TBC1D24: variants seen among roughly 807,000 people sequenced by gnomAD.
TBC1D24 encodes TBC1 domain family member 24, also known as Infantile myoclonic epilepsy.
Under a neutral mutation model 50.7 loss-of-function variants are expected in TBC1D24, and 47 were observed. The observed-to-expected ratio is 0.93, with a 90% CI of 0.73 to 1.18. The LOEUF (loss-of-function observed/expected upper bound fraction) is 1.18. TBC1D24 is among the 50% of genes most tolerant of loss of function. The pLI is 0.00. For missense variants in TBC1D24, 688 were observed against 766.5 expected (o/e 0.90, Z 1.21); for synonymous variants, 324 against 335.2 (o/e 0.97, Z 0.36).
At position 2,500,518 on chromosome 16, in the gene TBC1D24, A is replaced by G. The variant is rs1226680195; in HGVS notation, c.1525+28A>G. The G allele has an allele frequency of 1.5e-5, 23 of 1,541,528 alleles. No homozygotes were observed. The highest frequency in any genetic ancestry group is 2.0e-5 in the Non-Finnish European group (23 of 1,144,472). On this transcript the variant is annotated intron_variant, in intron 7 of 7. Transcript: ENST00000646147. The surrounding 1 kb of genome is among the most constrained non-coding windows in gnomAD (Gnocchi z 8.0). ...GAGCGCCAGCAGACGGGGCTCTGGG[A>G]TGAGGGTGTGGGGTCCGGGCAGCTG...
chr16:2,497,200 C>G, intron 2 of TBC1D24, 87 bp downstream of exon 2: 1 of 1,558,684 alleles, frequency 6.4e-7, no homozygotes. Flanking sequence ...CTGCCGGCCT[C>G]CAGGCGGCCT....
rs1041492990 is a variant in TBC1D24, at chr16:2,487,956, G to A, written c.-115-8078G>A. Among the ~76,000 whole-genome samples, 9 of 152,218 alleles carry A rather than the reference G, an allele frequency of 5.9e-5. No homozygotes were observed. The highest frequency in any genetic ancestry group is 1.9e-4 in the African/African-American group (8 of 41,452). ...GCCAGCAGCTGTGGGGTTGTGTTCC[G>A]CCCCGAGGCTGGGGTGAGCTGCTTG... On this transcript the variant is annotated intron_variant, in intron 1 of 7. Transcript: ENST00000646147. The surrounding 1 kb of genome is among the most constrained non-coding windows in gnomAD (Gnocchi z 4.1).
intron 1 of TBC1D24, among the ~76,000 whole-genome samples, chr16:2,495,763 G>C (rs1029776589): frequency 2.0e-5 from 3 of 151,848 alleles, no homozygotes; most frequent in Admixed American, 2.0e-4. Flanking sequence ...TGGGCGACAG[G>C]GTGAGACTCC....
intron 1 of TBC1D24, among the ~76,000 whole-genome samples, chr16:2,476,070 A>G (rs2141848964): frequency 6.6e-6 from 1 of 152,380 alleles, no homozygotes; most frequent in African/African-American, 2.4e-5. Context: ...AGGGGGCGTC[A>G]GCCTGCCCTT....
At chr16:2,480,761 T>C (rs2065604567) in intron 1 of TBC1D24, 1 of 152,256 alleles carries the variant, frequency 6.6e-6, no homozygotes, top group Non-Finnish European at 1.5e-5. Context: ...ACCTGTGGCC[T>C]TAGGATCGAG....
intron 1 of TBC1D24, chr16:2,479,409 G>C (rs997466383): frequency 1.3e-5 from 2 of 152,236 alleles, no homozygotes; most frequent in Non-Finnish European, 2.9e-5. Flanking sequence ...AGCCTTCTCA[G>C]ACCGAGAGAC....
rs1159971280 is a variant in TBC1D24 at position 2,498,279 on chromosome 16, C to T, written c.1025C>T (p.Ser342Leu). 10 of 1,611,574 alleles carry T rather than the reference C, an allele frequency of 6.2e-6. No homozygotes were observed. The highest frequency in any genetic ancestry group is 2.2e-5 in the East Asian group (1 of 44,826). Residue 342 changes from serine to leucine, a missense_variant, in exon 4 of 8, where the codon TCG (serine) becomes TTG (leucine). Physicochemically the swap from Ser to Leu is moderately radical, Grantham distance 145. Transcript: ENST00000646147. The stretch of plus-strand genomic sequence containing the variant: ...GCCGTCCATGCAGAGAACTTCCGCT[C>T]GGAGATCGTCAGCGTGAGGGAGATG... Reference protein sequence around the residue: ...HLAVHAENFRSEIVSVREMRD... With the variant: ...HLAVHAENFRLEIVSVREMRD...
In TBC1D24 at chr16:2,496,184, A is replaced by T; in HGVS notation, c.36A>T (p.Lys12Asn). ...CAGGATACAACTGCTTCGTGGACAA[A>T]GACAAGATGGACGCTGCCATCCAGG... The part of the protein sequence containing the change: ...DSPGYNCFVD[K>N]DKMDAAIQDL... The change falls in exon 2 of 8, where the codon AAA becomes AAT. Residue 12 changes from lysine (K) to asparagine (N), a missense_variant. Lys to Asn is a moderately conservative substitution (Grantham distance 94, BLOSUM62 0). Transcript: ENST00000646147. 3 of 1,613,962 alleles carry T rather than the reference A, an allele frequency of 1.9e-6. No individual in the cohort carries two copies. The highest frequency in any genetic ancestry group is 2.5e-6 in the Non-Finnish European group (3 of 1,180,020).
At chr16:2,478,736 C>CTT (rs75754884) in intron 1 of TBC1D24, 2 of 145,274 alleles carry the variant, frequency 1.4e-5, no homozygotes, top group African/African-American at 2.5e-5. Context: ...GGGCTTTTTT[C>CTT]TTTTTTTTTT....
At position 2,486,364 on chromosome 16, in the gene TBC1D24, G is replaced by A. The variant is rs151002471; in HGVS notation, c.-115-9670G>A. ...CCAGGAAATGGTGAGGGATTGCTCAGACCAGATGGGAAGAAGTGAGACGAG... is the reference window on the plus strand; with the variant it reads ...CCAGGAAATGGTGAGGGATTGCTCAAACCAGATGGGAAGAAGTGAGACGAG... On this transcript the variant is annotated intron_variant, in intron 1 of 7. Coordinates refer to ENST00000646147, the MANE Select transcript of TBC1D24 (RefSeq NM_001199107.2). The surrounding 1 kb of genome is among the most constrained non-coding windows in gnomAD (Gnocchi z 5.8). Among the ~76,000 whole-genome samples the A allele has an allele frequency of 6.6e-6, 1 of 152,242 alleles. No individual in the cohort carries two copies.
At position 2,486,819 on chromosome 16, in the gene TBC1D24, C is replaced by T. The variant is rs892556850; in HGVS notation, c.-115-9215C>T. ...GAATTCTCTGTTTGTCGCTCGCCCC[C>T]GCCTCCAGCATCCCCAAGTGGCCTG... On this transcript the variant is annotated intron_variant, in intron 1 of 7. Transcript: ENST00000646147. This position sits in a 1 kb window ranked among gnomAD's most constrained non-coding sequence, Gnocchi z 5.8. 6.6e-6 allele frequency among the ~76,000 whole-genome samples: 1 copy of T among 152,238 alleles called. No individual in the cohort carries two copies. Among genetic ancestry groups the T allele is most frequent in the African/African-American group, 2.4e-5 (1 of 41,462 alleles).
rs1394041328 is a variant in TBC1D24, at chr16:2,485,413, A to T, written c.-116+10243A>T. 1 of 152,206 alleles carries T rather than the reference A, an allele frequency of 6.6e-6. No individual in the cohort carries two copies. The highest frequency in any genetic ancestry group is 2.4e-5 in the African/African-American group (1 of 41,442). The allele number at this position is 152,206 out of a possible 1,614,324, so 9.4% of individuals were successfully genotyped here. ...GCTTCTGGACAGCTGAATAGGAGGG[A>T]GTGCCTGGAGGGCAGCACCGTGTCC... On this transcript the variant is annotated intron_variant, in intron 1 of 7. Transcript: ENST00000646147. The surrounding 1 kb of genome is among the most constrained non-coding windows in gnomAD (Gnocchi z 4.6).
chr16:2,488,903 AC>A (rs1414005891), intron 1 of TBC1D24, among the ~76,000 whole-genome samples: 1 of 143,358 alleles, frequency 7.0e-6, no homozygotes, highest in East Asian at 2.0e-4. Flanking sequence ...TACTAAAAAT[AC>A]AAAAAAAAAA....
rs1221406643 is a variant in TBC1D24 at position 2,504,825 on chromosome 16, C to T, written c.*3867C>T. The T allele has an allele frequency of 2.0e-5, 3 of 152,002 alleles. No individual in the cohort carries two copies. The highest frequency in any genetic ancestry group is 7.2e-5 in the African/African-American group (3 of 41,394). The allele number at this position is 152,002 out of a possible 1,614,324, so 9.4% of individuals were successfully genotyped here. The stretch of plus-strand genomic sequence containing the variant: ...CCAGAATATCATCAAACTCACAAAA[C>T]CACTGGTCAAAAAAACCCAAATGGC... On this transcript the variant is annotated 3_prime_UTR_variant, in exon 8 of 8. Coordinates refer to ENST00000646147, the MANE Select transcript of TBC1D24 (RefSeq NM_001199107.2).
In TBC1D24 at chr16:2,499,960, C is replaced by G. The variant is rs375379019; in HGVS notation, c.1302+30C>G. The stretch of plus-strand genomic sequence containing the variant: ...GTGGGGCCAAGTGTCCCCAAACCCC[C>G]ACGCAGACCCTGTAGCTGCATCCCT... On this transcript the variant is annotated intron_variant, in intron 6 of 7. Coordinates refer to ENST00000646147, the MANE Select transcript of TBC1D24 (RefSeq NM_001199107.2). This position sits in a 1 kb window ranked among gnomAD's most constrained non-coding sequence, Gnocchi z 4.0. 4.4e-6 allele frequency: 7 copies of G among 1,596,690 alleles called. No individual in the cohort carries two copies. In the African/African-American group the frequency reaches 9.4e-5, roughly 21 times the overall value.
chr16:2,500,889 C>T lies in TBC1D24; in HGVS notation c.1611C>T (p.Pro537=), dbSNP rs769128157. The T allele has an allele frequency of 6.2e-7, 1 of 1,613,226 alleles. No homozygotes were observed. The highest frequency in any genetic ancestry group is 1.1e-5 in the South Asian group (1 of 91,086). Residue 537 remains proline (P), a synonymous_variant, in exon 8 of 8, where the codon CCC becomes CCT. Transcript: ENST00000646147. This position sits in a 1 kb window ranked among gnomAD's most constrained non-coding sequence, Gnocchi z 8.0. The part of the protein sequence containing the change: ...TSHCDTFNNQ[P]LCSENFLIAA... ...ACTGCGACACCTTCAACAACCAGCC[C>T]CTCTGCTCCGAGAACTTCCTCATTG...
chr16:2,503,144 A>T lies in TBC1D24; in HGVS notation c.*2186A>T, dbSNP rs2065807996. 6.6e-6 allele frequency: 1 copy of T among 152,166 alleles called. No individual in the cohort carries two copies. The highest frequency in any genetic ancestry group is 2.4e-5 in the African/African-American group (1 of 41,440). 9.4% of individuals were successfully genotyped at this position (152,166 alleles called of 1,614,324 possible). On this transcript the variant is annotated 3_prime_UTR_variant, in exon 8 of 8. Transcript: ENST00000646147. ...TGCGTGGCTGCCCCCAGGGGGCCCC[A>T]CCCGGGCCTTCCAGTGATCTGGACC... is the stretch of plus-strand genomic sequence containing the variant.
Position 2,501,022 on chromosome 16 carries a change from G to A in TBC1D24, c.*64G>A. The A allele has an allele frequency of 1.3e-6, 2 of 1,592,896 alleles. No individual in the cohort carries two copies. Among genetic ancestry groups the A allele is most frequent in the African/African-American group, 1.3e-5 (1 of 74,898 alleles). ...GGGCCGAGGCTGGGCTGCCGCCTCG[G>A]GCAGCAGAGAGCAGATGAAACCCCC... is the stretch of plus-strand genomic sequence containing the variant. On this transcript the variant is annotated 3_prime_UTR_variant, in exon 8 of 8. Transcript: ENST00000646147.
In TBC1D24 at chr16:2,496,749, G is replaced by A. The variant is rs537705878; in HGVS notation, c.601G>A (p.Val201Met). The change falls in exon 2 of 8, where the codon GTG becomes ATG. Residue 201 changes from valine (V) to methionine (M), a missense_variant. Val to Met is a conservative substitution (Grantham distance 21). Transcript: ENST00000646147. ...GGCGGCCCACAAGCTGATGGTGGCC[G>A]TGTCGGAGGATGTCCTGCAGGTCTA... ...CQAAHKLMVAVSEDVLQVYAD... is the reference protein window; with the variant it reads ...CQAAHKLMVAMSEDVLQVYAD... 4.2e-5 allele frequency: 68 copies of A among 1,613,860 alleles called. No individual in the cohort carries two copies. In the East Asian group the frequency reaches 4.9e-4, roughly 12 times the overall value.
Sources: gnomAD v4.1 joint callset for allele counts (sites outside exome capture counted in the v4.1 genomes callset) on GRCh38, gnomAD v4.1.1 for gene constraint, Gnocchi (gnomAD v3.1) non-coding constraint, MANE v1.5 for transcripts, NCBI Gene and HGNC (gene_info 2026-07-23, HGNC 2026-07-21) for gene names.